Variants in SPATA6L observed in about 807,000 individuals in gnomAD.
The protein encoded by SPATA6L is spermatogenesis associated 6 like.
A neutral mutation model predicts 49.2 loss-of-function variants in SPATA6L; 68 were observed. That is an observed-to-expected ratio of 1.38 (90% CI 1.14 to 1.69). The LOEUF is 1.69. Ranked by LOEUF, SPATA6L falls within the 40% of genes most tolerant of loss-of-function variation. The probability of loss-of-function intolerance (pLI) is 0.00; values close to 1 mark genes in which losing one functional copy is unlikely to be tolerated. For missense variants in SPATA6L, 668 were observed against 464.3 expected (o/e 1.44, Z -4.03); for synonymous variants, 198 against 165.7 (o/e 1.19, Z -1.50).
At chr9:4,613,076 A>G (rs1251159220) in intron 9 of SPATA6L, among the ~76,000 whole-genome samples, 1 of 151,932 alleles carries the variant, frequency 6.6e-6, no homozygotes, top group Non-Finnish European at 1.5e-5. Context: ...AAAATACAAA[A>G]AATTAGCCAG....
rs1030753550 is a variant in SPATA6L, at chr9:4,599,049, C to T, written c.*1762G>A. Among the ~76,000 whole-genome samples, 1 of 152,172 alleles carries T rather than the reference C, an allele frequency of 6.6e-6. No individual in the cohort carries two copies. Among genetic ancestry groups the T allele is most frequent in the Non-Finnish European group, 1.5e-5 (1 of 68,034 alleles). ...AGTATCTTCAGGATAGGGGATAGGA[C>T]CCAAGTCTAAACACGAAATTCATTT... On this transcript the variant is annotated 3_prime_UTR_variant, in exon 12 of 12. Transcript: ENST00000682582.
chr9:4,620,903 A>AT (rs1829141547), intron 7 of SPATA6L, among the ~76,000 whole-genome samples: 2 of 152,302 alleles, frequency 1.3e-5, no homozygotes, highest in Admixed American at 6.5e-5. Flanking sequence ...TACACAGGTG[A>AT]TTTTCAACTC....
intron 3 of SPATA6L, among the ~76,000 whole-genome samples, chr9:4,647,401 G>A (rs1363083933): frequency 1.3e-5 from 2 of 152,110 alleles, no homozygotes; most frequent in Non-Finnish European, 2.9e-5. Flanking sequence ...AGACCAGCCT[G>A]GCCAACATAG....
chr9:4,628,053 C>T, intron 5 of SPATA6L: 1 of 345,462 alleles, frequency 2.9e-6, no homozygotes, highest in Non-Finnish European at 5.6e-6. Flanking sequence ...AAGATTAAAA[C>T]AATTGAACTC....
At chr9:4,607,659 A>G (rs1202914384) in intron 9 of SPATA6L, among the ~76,000 whole-genome samples, 1 of 152,152 alleles carries the variant, frequency 6.6e-6, no homozygotes, top group East Asian at 1.9e-4. Context: ...AAACATGGAA[A>G]GGAACAACCG....
rs563115195 is a variant in SPATA6L, at chr9:4,629,306, G to A, written c.352-138C>T. 81 of 573,848 alleles carry A rather than the reference G, an allele frequency of 1.4e-4. No homozygotes were observed. In the African/African-American group the frequency reaches 1.5e-3, roughly 11 times the overall value. The allele number at this position is 573,848 out of a possible 1,614,324, so 35.5% of individuals were successfully genotyped here. ...CACACACATTATCTAAAATATATAT[G>A]TAATAAGAATAGCTAAACACTTATG... On this transcript the variant is annotated intron_variant, in intron 4 of 11. Transcript: ENST00000682582.
chr9:4,647,365 G>C (rs1048028312), intron 3 of SPATA6L, among the ~76,000 whole-genome samples: 1 of 152,128 alleles, frequency 6.6e-6, no homozygotes, highest in Admixed American at 6.5e-5. Context: ...GCCGAGGTGA[G>C]CGGATCACCT....
rs1822485533 is a variant in SPATA6L at position 4,598,336 on chromosome 9, G to T, written c.*2475C>A. On this transcript the variant is annotated 3_prime_UTR_variant, in exon 12 of 12. Coordinates refer to ENST00000682582, the MANE Select transcript of SPATA6L (RefSeq NM_001353486.2). ...GGGAATTCTTTTTATGATGTTTAAT[G>T]ACACAGATCTTCCCAAAGTAATCCA... Among the ~76,000 whole-genome samples, 1 of 152,168 alleles carries T rather than the reference G, an allele frequency of 6.6e-6. No individual in the cohort carries two copies.
intron 3 of SPATA6L, among the ~76,000 whole-genome samples, chr9:4,653,891 C>T (rs7861883): frequency 0.094 from 14,283 of 152,278 alleles, 940 homozygotes; most frequent in East Asian, 0.27. Flanking sequence ...AAGCTATGAT[C>T]GTGCCACTGC....
intron 9 of SPATA6L, among the ~76,000 whole-genome samples, chr9:4,611,038 C>G (rs1422009726): frequency 2.7e-5 from 4 of 149,362 alleles, no homozygotes; most frequent in Admixed American, 2.0e-4. Flanking sequence ...CCAAAAAACA[C>G]ATGAAAAAAT....
chr9:4,639,901 TGA>T (rs1287585725), intron 3 of SPATA6L, among the ~76,000 whole-genome samples: 2 of 152,248 alleles, frequency 1.3e-5, no homozygotes, highest in Non-Finnish European at 2.9e-5. Context: ...ACTGAGGCTC[TGA>T]GAGTTTGACC....
chr9:4,605,552 G>A (rs1824577459), intron 9 of SPATA6L, 112 bp from the exon 10 acceptor site: 1 of 692,926 alleles, frequency 1.4e-6, no homozygotes, highest in Non-Finnish European at 2.5e-6. Flanking sequence ...AAAAACAGCA[G>A]CATGCAAAAT....
At chr9:4,638,779 T>C (rs1833387902) in intron 3 of SPATA6L, among the ~76,000 whole-genome samples, 1 of 142,262 alleles carries the variant, frequency 7.0e-6, no homozygotes, top group African/African-American at 3.0e-5. Context: ...TCTTTTCTTT[T>C]CTTTTCTTTT....
intron 4 of SPATA6L, among the ~76,000 whole-genome samples, chr9:4,631,793 G>T (rs1476012190): frequency 6.6e-6 from 1 of 152,170 alleles, no homozygotes; most frequent in Non-Finnish European, 1.5e-5. Flanking sequence ...GCATCATTCA[G>T]TGAGTAAGAG....
chr9:4,629,769 G>GTGTGTGTATATATATATATATATA lies in SPATA6L; in HGVS notation c.352-602_352-601insTATATATATATATATATACACACA, dbSNP rs1311805859. On this transcript the variant is annotated intron_variant, in intron 4 of 11. Coordinates refer to ENST00000682582, the MANE Select transcript of SPATA6L (RefSeq NM_001353486.2). Reference sequence around the variant, plus strand: ...GTGTTTTATATATGTGTGTGTGTGTGTATATATATATATATATATATATAT... The same window carrying GTGTGTGTATATATATATATATATA: ...GTGTTTTATATATGTGTGTGTGTGTGTGTGTGTATATATATATATATATATATATATATATATATATATATATAT... Among the ~76,000 whole-genome samples, 15 of 101,918 alleles carry GTGTGTGTATATATATATATATATA rather than the reference G, an allele frequency of 1.5e-4. 1 individual carries two copies. The highest frequency in any genetic ancestry group is 4.5e-4 in the Admixed American group (4 of 8,812). 66.9% of individuals were successfully genotyped at this position (101,918 alleles called of 152,430 possible). A position where few individuals can be genotyped will look rare whatever the true frequency, so the allele number is the denominator to read the frequency against.
intron 2 of SPATA6L, among the ~76,000 whole-genome samples, chr9:4,661,030 G>A (rs865872416): frequency 6.6e-6 from 1 of 152,066 alleles, no homozygotes; most frequent in African/African-American, 2.4e-5. Flanking sequence ...GGGGCCTGTC[G>A]TGGGGTGGGG....
intron 3 of SPATA6L, among the ~76,000 whole-genome samples, chr9:4,647,522 G>A (rs954741195): frequency 6.6e-6 from 1 of 152,138 alleles, no homozygotes; most frequent in Admixed American, 6.5e-5. Context: ...AACCTGGGAG[G>A]TGAAGGCTGC....
At position 4,662,821 on chromosome 9, in the gene SPATA6L, G is replaced by C. The variant is rs1291348311; in HGVS notation, c.40-785C>G. ...GGACACGGCATCCCCTGGCTGCTGG[G>C]CACCCTCTACTGCCTGTGCAGGAGC... is the stretch of plus-strand genomic sequence containing the variant. On this transcript the variant is annotated intron_variant, in intron 1 of 11. Transcript: ENST00000682582. The surrounding 1 kb of genome is among the most constrained non-coding windows in gnomAD (Gnocchi z 4.9). 1 of 1,605,024 alleles carries C rather than the reference G, an allele frequency of 6.2e-7. No individual in the cohort carries two copies.
chr9:4,604,583 G>A (rs983406605), intron 10 of SPATA6L, among the ~76,000 whole-genome samples: 1 of 152,104 alleles, frequency 6.6e-6, no homozygotes, highest in Non-Finnish European at 1.5e-5. Context: ...TGCCTGAAAA[G>A]GTTGGGAATT....
Sources: gnomAD v4.1 joint callset for allele counts (sites outside exome capture counted in the v4.1 genomes callset) on GRCh38, gnomAD v4.1.1 for gene constraint, Gnocchi (gnomAD v3.1) non-coding constraint, MANE v1.5 for transcripts, NCBI Gene and HGNC (gene_info 2026-07-23, HGNC 2026-07-21) for gene names.